CSNK2A1: variants seen among roughly 807,000 people sequenced by gnomAD.
The protein encoded by CSNK2A1 is casein kinase II subunit alpha.
CSNK2A1 carries 10 observed loss-of-function variants against 62.9 expected under a neutral mutation model. The ratio of observed to expected loss-of-function variants is 0.16; its 90% CI spans 0.10 to 0.27. CSNK2A1 has a LOEUF of 0.27. Ranked by LOEUF, CSNK2A1 falls within the 10% of genes least tolerant of loss-of-function variation. CSNK2A1 has a pLI of 1.00. For missense variants in CSNK2A1, 160 were observed against 492.0 expected (o/e 0.33, Z 6.38); for synonymous variants, 124 against 167.8 (o/e 0.74, Z 2.02).
In CSNK2A1 at chr20:476,073, T is replaced by G. The variant is rs157806; in HGVS notation, c.*7888A>C. The G allele has an allele frequency of 6.6e-6, 1 of 152,166 alleles. No homozygotes were observed. The highest frequency in any genetic ancestry group is 1.5e-5 in the Non-Finnish European group (1 of 68,070). The allele number at this position is 152,166 out of a possible 1,614,324, so 9.4% of individuals were successfully genotyped here. The stretch of plus-strand genomic sequence containing the variant: ...GAACCTGGACAGATTCCTGGCAACA[T>G]AGCTGTGCAAAAGCAGCCCCACAAG... On this transcript the variant is annotated 3_prime_UTR_variant, in exon 14 of 14. Coordinates refer to ENST00000217244, the MANE Select transcript of CSNK2A1 (RefSeq NM_177559.3).
chr20:498,686 C>T (rs1053794858), intron 6 of CSNK2A1: 1 of 152,136 alleles, frequency 6.6e-6, no homozygotes, highest in Non-Finnish European at 1.5e-5. Context: ...AAGATTTTTA[C>T]TTTTACTCCA....
chr20:485,109 A>AATATACATATATATATATATATAT (rs2018062471), intron 13 of CSNK2A1, among the ~76,000 whole-genome samples: 1 of 24,666 alleles, frequency 4.1e-5, no homozygotes, highest in African/African-American at 1.4e-4. Flanking sequence ...AAAAAAAAAA[A>AATATACATATATATATATATATAT]ATATATATAT....
At chr20:522,060 T>C (rs145234273) in intron 2 of CSNK2A1, among the ~76,000 whole-genome samples, 20 of 152,368 alleles carry the variant, frequency 1.3e-4, no homozygotes, top group Non-Finnish European at 2.2e-4. Flanking sequence ...CTCGCATTAC[T>C]GCCCGAGCTC....
chr20:508,272 A>G (rs1303857815), intron 3 of CSNK2A1, 179 bp downstream of exon 3: 19 of 570,096 alleles, frequency 3.3e-5, no homozygotes, highest in Middle Eastern at 2.7e-4. Context: ...CACTTGCCAA[A>G]GCAACTCTGC....
At chr20:487,358 G>A in intron 12 of CSNK2A1, 69 bp downstream of exon 12, 6 of 1,591,900 alleles carry the variant, frequency 3.8e-6, no homozygotes, top group Non-Finnish European at 5.2e-6. Flanking sequence ...GACAGGAGCT[G>A]GGATTACGAC....
rs189679767 is a variant in CSNK2A1 at position 482,309 on chromosome 20, T to C, written c.*1652A>G. The C allele has an allele frequency of 1.3e-3, 201 of 152,320 alleles. 1 individual carries two copies. The highest frequency in any genetic ancestry group is 4.7e-3 in the African/African-American group (195 of 41,570). 9.4% of individuals were successfully genotyped at this position (152,320 alleles called of 1,614,324 possible). A position where few individuals can be genotyped will look rare whatever the true frequency, so the allele number is the denominator to read the frequency against. On this transcript the variant is annotated 3_prime_UTR_variant, in exon 14 of 14. Coordinates refer to ENST00000217244, the MANE Select transcript of CSNK2A1 (RefSeq NM_177559.3). ...GAAATAACAGGAGAAAATACAGAGC[T>C]GATGGTTTTGCTATTGTGCTTAAAA...
intron 1 of CSNK2A1, among the ~76,000 whole-genome samples, chr20:528,363 G>C (rs1417350314): frequency 6.6e-6 from 1 of 152,168 alleles, no homozygotes; most frequent in African/African-American, 2.4e-5. Flanking sequence ...TGGAAGTAAG[G>C]GCAGTAAAAA....
chr20:490,931 T>C (rs905633033), intron 9 of CSNK2A1, among the ~76,000 whole-genome samples: 1 of 151,378 alleles, frequency 6.6e-6, no homozygotes, highest in East Asian at 1.9e-4. Flanking sequence ...TGTTAGCCCA[T>C]GGAGACCATC....
Position 487,653 on chromosome 20 carries a change from A to C in CSNK2A1, c.825-78T>G, listed in dbSNP as rs1179037218. The C allele has an allele frequency of 3.8e-6, 6 of 1,594,048 alleles. No homozygotes were observed. In the East Asian group the frequency reaches 6.7e-5, roughly 18 times the overall value. On this transcript the variant is annotated intron_variant, in intron 11 of 13. Coordinates refer to ENST00000217244, the MANE Select transcript of CSNK2A1 (RefSeq NM_177559.3). ...AACATTTCATTCCTACATTTTTCTT[A>C]GTGGCTAACAGCCCAGACAAAAGCA...
rs2017902976 is a variant in CSNK2A1, at chr20:478,918, C to T, written c.*5043G>A. ...CTCTAGCCTGGGTAACAGAGCAAGACCCGTATCAAAAAACAAAACAAACAA... is the reference window on the plus strand; with the variant it reads ...CTCTAGCCTGGGTAACAGAGCAAGATCCGTATCAAAAAACAAAACAAACAA... On this transcript the variant is annotated 3_prime_UTR_variant, in exon 14 of 14. Coordinates refer to ENST00000217244, the MANE Select transcript of CSNK2A1 (RefSeq NM_177559.3). 1 of 167,704 alleles carries T rather than the reference C, an allele frequency of 6.0e-6. No homozygotes were observed. Among genetic ancestry groups the T allele is most frequent in the Non-Finnish European group, 1.3e-5 (1 of 76,262 alleles). 10.4% of individuals were successfully genotyped at this position (167,704 alleles called of 1,614,324 possible).
intron 11 of CSNK2A1, 24 bp from the exon 12 acceptor site, chr20:487,599 A>T: frequency 6.2e-7 from 1 of 1,614,096 alleles, no homozygotes; most frequent in East Asian, 2.2e-5. Flanking sequence ...AGAGGGCATG[A>T]GAAATGGGCC....
intron 4 of CSNK2A1, chr20:502,165 A>T (rs2018485118): frequency 6.6e-6 from 1 of 152,232 alleles, no homozygotes. Context: ...TACCCAATAA[A>T]CAGAAGCTAT....
At chr20:497,432 C>T (rs966675273) in intron 7 of CSNK2A1, among the ~76,000 whole-genome samples, 2 of 151,646 alleles carry the variant, frequency 1.3e-5, no homozygotes, top group African/African-American at 4.9e-5. Flanking sequence ...TACAGGTGCA[C>T]ACCACCATGC....
intron 2 of CSNK2A1, among the ~76,000 whole-genome samples, chr20:512,062 C>G (rs1170236293): frequency 6.6e-6 from 1 of 151,924 alleles, no homozygotes; most frequent in Non-Finnish European, 1.5e-5. Context: ...CTGTTTTTTG[C>G]TTGTTTTTAT....
In CSNK2A1 at chr20:499,531, C is replaced by T. The variant is rs752486910; in HGVS notation, c.316-226G>A. On this transcript the variant is annotated intron_variant, in intron 5 of 13. Transcript: ENST00000217244. The surrounding 1 kb of genome is among the most constrained non-coding windows in gnomAD (Gnocchi z 4.2). ...CATGGAGCTGAAGTCTCACCAGGCTCTAGGCAGCCCGACAATGCGCCCATC... is the reference window on the plus strand; with the variant it reads ...CATGGAGCTGAAGTCTCACCAGGCTTTAGGCAGCCCGACAATGCGCCCATC... 2 of 556,040 alleles carry T rather than the reference C, an allele frequency of 3.6e-6. No individual in the cohort carries two copies. The highest frequency in any genetic ancestry group is 1.9e-5 in the African/African-American group (1 of 53,176). The allele number at this position is 556,040 out of a possible 1,614,324, so 34.4% of individuals were successfully genotyped here.
intron 2 of CSNK2A1, among the ~76,000 whole-genome samples, chr20:521,909 T>C (rs1462771474): frequency 4.6e-5 from 7 of 152,118 alleles, no homozygotes; most frequent in African/African-American, 1.4e-4. Flanking sequence ...ATCTTAAAAG[T>C]GAAGAAGCCA....
chr20:484,203 T>TA, intron 13 of CSNK2A1, 127 bp from the exon 14 acceptor site: 1 of 725,378 alleles, frequency 1.4e-6, no homozygotes, highest in Non-Finnish European at 2.1e-6. Context: ...GCTGGATTTT[T>TA]ACATATACTT....
rs910723658 is a variant in CSNK2A1, at chr20:481,386, A to G, written c.*2575T>C. ...CCATTTCCTGCCATCTAAGCAATGC[A>G]GACACAGGTAGTGCTGAGAAATAGT... is the stretch of plus-strand genomic sequence containing the variant. On this transcript the variant is annotated 3_prime_UTR_variant, in exon 14 of 14. Coordinates refer to ENST00000217244, the MANE Select transcript of CSNK2A1 (RefSeq NM_177559.3). 4.6e-5 allele frequency: 7 copies of G among 152,166 alleles called. No individual in the cohort carries two copies. Among genetic ancestry groups the G allele is most frequent in the African/African-American group, 1.7e-4 (7 of 41,452 alleles). The allele number at this position is 152,166 out of a possible 1,614,324, so 9.4% of individuals were successfully genotyped here.
At chr20:495,488 G>A (rs1198385061) in intron 8 of CSNK2A1, 1 of 455,228 alleles carries the variant, frequency 2.2e-6, no homozygotes, top group East Asian at 3.9e-5. Context: ...TCCGGGCTTA[G>A]AAGATGAACA....
Sources: allele counts gnomAD v4.1 joint callset (sites outside exome capture counted in the v4.1 genomes callset), GRCh38; gene constraint gnomAD v4.1.1; non-coding constraint Gnocchi (gnomAD v3.1); transcripts MANE v1.5; gene names NCBI Gene and HGNC (gene_info 2026-07-23, HGNC 2026-07-21).